ANXA3: variants seen among roughly 807,000 people sequenced by gnomAD.
ANXA3 encodes 35-alpha calcimedin.
ANXA3 carries 46 observed loss-of-function variants against 48.8 expected under a neutral mutation model. The ratio of observed to expected loss-of-function variants is 0.94; its 90% CI spans 0.74 to 1.21. The LOEUF (loss-of-function observed/expected upper bound fraction) is 1.21, where lower values mean the gene tolerates loss of function less well. ANXA3 is among the 50% of genes most tolerant of loss of function. The pLI is 0.00. For missense variants in ANXA3, 383 were observed against 378.6 expected, an observed-to-expected ratio of 1.01 and a Z score of -0.10; for synonymous variants, 128 against 134.7, an observed-to-expected ratio of 0.95 and a Z score of 0.35.
At chr4:78,605,725 C>A (rs555374575) in intron 12 of ANXA3, among the ~76,000 whole-genome samples, 1 of 152,286 alleles carries the variant, frequency 6.6e-6, no homozygotes, top group East Asian at 1.9e-4. Context: ...GCATGAAACC[C>A]ATTTTCATTG....
chr4:78,558,947 T>G (rs1176529036), intron 2 of ANXA3, among the ~76,000 whole-genome samples: 3 of 152,212 alleles, frequency 2.0e-5, no homozygotes, highest in Non-Finnish European at 4.4e-5. Flanking sequence ...GCTGGCTTTC[T>G]TAGGTAAATA....
intron 6 of ANXA3, among the ~76,000 whole-genome samples, chr4:78,590,772 T>G (rs1415308485): frequency 1.4e-5 from 2 of 143,884 alleles, no homozygotes; most frequent in Non-Finnish European, 2.9e-5. Context: ...TTTAATTATA[T>G]TCATTAAGAT....
chr4:78,592,994 A>G (rs576609227), intron 7 of ANXA3, among the ~76,000 whole-genome samples: 25 of 152,316 alleles, frequency 1.6e-4, no homozygotes, highest in Admixed American at 1.2e-3. Context: ...ATTTTAAACT[A>G]TTGTAGCTAA....
In ANXA3 at chr4:78,597,499, CT is replaced by C. The variant is rs201370863; in HGVS notation, c.730+86del. The C allele has an allele frequency of 2.1e-3, 1,790 of 853,822 alleles. 26 individuals carry two copies. The African/African-American group carries it at 0.027, about 13-fold the overall frequency. 52.9% of individuals were successfully genotyped at this position (853,822 alleles called of 1,614,324 possible). A position where few individuals can be genotyped will look rare whatever the true frequency, so the allele number is the denominator to read the frequency against. ...GGCCTGCTCCTTTTGGGCAAGAATC[CT>C]GACTGATCCATTTTTTTTGCTCCCT... On this transcript the variant is annotated intron_variant, in intron 10 of 12. Transcript: ENST00000264908.
At chr4:78,609,272 C>T (rs1723709701) in intron 12 of ANXA3, among the ~76,000 whole-genome samples, 3 of 152,230 alleles carry the variant, frequency 2.0e-5, no homozygotes, top group African/African-American at 4.8e-5. Flanking sequence ...AAGAAGAGCT[C>T]ACTGGTTGGG....
intron 4 of ANXA3, among the ~76,000 whole-genome samples, chr4:78,579,689 G>A (rs1723034069): frequency 6.6e-6 from 1 of 152,160 alleles, no homozygotes; most frequent in South Asian, 2.1e-4. Context: ...GTAACTTTGG[G>A]AGGCTGAGGC....
chr4:78,591,796 A>T (rs1370060948), intron 7 of ANXA3, among the ~76,000 whole-genome samples, 173 bp downstream of exon 7: 1 of 152,230 alleles, frequency 6.6e-6, no homozygotes, highest in Non-Finnish European at 1.5e-5. Context: ...TTTAACCAAG[A>T]TCATAAAAGC....
At chr4:78,554,236 A>C (rs995198646) in intron 1 of ANXA3, among the ~76,000 whole-genome samples, 200 bp from the exon 2 acceptor site, 1 of 152,224 alleles carries the variant, frequency 6.6e-6, no homozygotes, top group Non-Finnish European at 1.5e-5. Flanking sequence ...GGTCTAGCAC[A>C]GTCCCTTGCA....
At chr4:78,564,583 G>T (rs1316049001) in intron 2 of ANXA3, among the ~76,000 whole-genome samples, 1 of 152,186 alleles carries the variant, frequency 6.6e-6, no homozygotes, top group Non-Finnish European at 1.5e-5. Flanking sequence ...TATTTTAGAG[G>T]GGGTGGAGAG....
At chr4:78,573,721 G>A (rs921214446) in intron 3 of ANXA3, among the ~76,000 whole-genome samples, 7 of 152,198 alleles carry the variant, frequency 4.6e-5, no homozygotes, top group Non-Finnish European at 7.3e-5. Context: ...TAACCAAGGG[G>A]TGGAATAGTC....
intron 8 of ANXA3, 119 bp downstream of exon 8, chr4:78,595,556 T>G: frequency 8.9e-7 from 1 of 1,123,586 alleles, no homozygotes; most frequent in Non-Finnish European, 1.3e-6. Flanking sequence ...TTTTTTTTCC[T>G]GTTTGAAAGA....
intron 6 of ANXA3, among the ~76,000 whole-genome samples, chr4:78,590,452 T>G (rs1723266369): frequency 1.3e-5 from 2 of 152,176 alleles, no homozygotes; most frequent in Admixed American, 6.5e-5. Flanking sequence ...TGTCTTTCAT[T>G]GATTTAAATA....
chr4:78,582,676 A>T (rs959080235), intron 5 of ANXA3, among the ~76,000 whole-genome samples: 8 of 152,152 alleles, frequency 5.3e-5, no homozygotes, highest in Non-Finnish European at 7.4e-5. Context: ...AAAATCCATT[A>T]TAAATATGTG....
chr4:78,595,809 G>C lies in ANXA3; in HGVS notation c.556G>C (p.Gly186Arg). 1 of 1,607,120 alleles carries C rather than the reference G, an allele frequency of 6.2e-7. No individual in the cohort carries two copies. The highest frequency in any genetic ancestry group is 8.5e-7 in the Non-Finnish European group (1 of 1,173,812). The change falls in exon 9 of 13, where the codon GGT becomes CGT. Residue 186 changes from glycine to arginine, a missense_variant. By Grantham distance (125) the Gly-to-Arg change is moderately radical (BLOSUM62 -2). Coordinates refer to ENST00000264908, the MANE Select transcript of ANXA3 (RefSeq NM_005139.3). ...KQDAQILYKA[G>R]ENRWGTDEDK... ...TTGTGAATAGATTCTCTATAAAGCT[G>C]GTGAGAACAGATGGGGCACGGATGA...
chr4:78,608,826 T>C (rs1023583783), intron 12 of ANXA3, among the ~76,000 whole-genome samples: 3 of 152,162 alleles, frequency 2.0e-5, no homozygotes, highest in Middle Eastern at 3.2e-3. Context: ...ATGTAAGACA[T>C]GTGGAGAGGT....
At chr4:78,566,367 A>C (rs1388207727) in intron 2 of ANXA3, among the ~76,000 whole-genome samples, 1 of 152,128 alleles carries the variant, frequency 6.6e-6, no homozygotes, top group Non-Finnish European at 1.5e-5. Flanking sequence ...AAGCTGAACT[A>C]TTCACAGTAG....
Position 78,595,787 on chromosome 4 carries a change from T to G in ANXA3, c.541-7T>G, listed in dbSNP as rs1443593540. ...TTGTGTCTCTAATATCATTCTCTTG[T>G]GAATAGATTCTCTATAAAGCTGGTG... On this transcript the variant is annotated splice_region_variant and splice_polypyrimidine_tract_variant and intron_variant, in intron 8 of 12. Coordinates refer to ENST00000264908, the MANE Select transcript of ANXA3 (RefSeq NM_005139.3). 1.9e-6 allele frequency: 3 copies of G among 1,557,998 alleles called. No individual in the cohort carries two copies. The African/African-American group carries it at 4.1e-5, about 21-fold the overall frequency.
rs547959101 is a variant in ANXA3, at chr4:78,601,936, AT to A, written c.789+372del. ...ATTAAATTTTAAAAGTTCATCCTCT[AT>A]TTTAAATAGAAAATGAGAAGGCAGG... On this transcript the variant is annotated intron_variant, in intron 11 of 12. Transcript: ENST00000264908. The A allele has an allele frequency of 3.1e-3, 496 of 160,556 alleles. 1 individual carries two copies. The highest frequency in any genetic ancestry group is 0.011 in the African/African-American group (457 of 41,742). The allele number at this position is 160,556 out of a possible 1,614,324, so 9.9% of individuals were successfully genotyped here.
In ANXA3 at chr4:78,595,390, G is replaced by A; in HGVS notation, c.493G>A (p.Asp165Asn). ...TCGTCCTCCTGTTTAGGGCAGAAGA[G>A]ATGAAAGTCTGAAAGTGGATGAGCA... ...ALLTLADGRR[D>N]ESLKVDEHLA... Residue 165 changes from aspartate to asparagine, a missense_variant, in exon 8 of 13, where the codon GAT becomes AAT. Physicochemically the swap from Asp to Asn is conservative, Grantham distance 23. Coordinates refer to ENST00000264908, the MANE Select transcript of ANXA3 (RefSeq NM_005139.3). 1 of 1,613,722 alleles carries A rather than the reference G, an allele frequency of 6.2e-7. No homozygotes were observed. The highest frequency in any genetic ancestry group is 1.3e-5 in the African/African-American group (1 of 75,028).
Sources: gnomAD v4.1 joint callset for allele counts (sites outside exome capture counted in the v4.1 genomes callset) on GRCh38, gnomAD v4.1.1 for gene constraint, MANE v1.5 for transcripts, NCBI Gene and HGNC (gene_info 2026-07-23, HGNC 2026-07-21) for gene names.